GTF2E1: variants seen among roughly 807,000 people sequenced by gnomAD.
The protein encoded by GTF2E1 is TFIIE alpha subunit.
A neutral mutation model predicts 34.9 loss-of-function variants in GTF2E1; 14 were observed. The observed-to-expected ratio is 0.40, with a 90% confidence interval of 0.27 to 0.63. The LOEUF is 0.63. Ranked by LOEUF, GTF2E1 falls within the 20% of genes least tolerant of loss-of-function variation. The pLI, the probability that GTF2E1 is intolerant of heterozygous loss-of-function variation, is 0.39. For missense variants in GTF2E1, 469 were observed against 557.7 expected, an observed-to-expected ratio of 0.84 and a Z score of 1.60; for synonymous variants, 188 against 192.9, an observed-to-expected ratio of 0.97 and a Z score of 0.21.
chr3:120,771,840 G>T (rs753429707), intron 3 of GTF2E1, among the ~76,000 whole-genome samples: 2 of 152,188 alleles, frequency 1.3e-5, no homozygotes, highest in Non-Finnish European at 2.9e-5. Context: ...TGTCAGTTAG[G>T]ATGCCTTTGC....
rs555692036 is a variant in GTF2E1, at chr3:120,768,426, G to C, written c.449-2302G>C. ...TTTGAAAACAGATAATGAGAGGGTT[G>C]GAGTATTAACCTTTGTCTTAGCTGT... is the stretch of plus-strand genomic sequence containing the variant. On this transcript the variant is annotated intron_variant, in intron 2 of 4. Coordinates refer to ENST00000283875, the MANE Select transcript of GTF2E1 (RefSeq NM_005513.3). Among the ~76,000 whole-genome samples the C allele has an allele frequency of 2.6e-3, 395 of 152,182 alleles. 2 individuals carry two copies. The highest frequency in any genetic ancestry group is 4.5e-3 in the Non-Finnish European group (307 of 67,984).
intron 1 of GTF2E1, among the ~76,000 whole-genome samples, chr3:120,744,693 T>C (rs927299235): frequency 2.0e-5 from 3 of 152,180 alleles, no homozygotes; most frequent in African/African-American, 7.2e-5. Flanking sequence ...TTCTTGCAAT[T>C]TTTTTGCCTT....
At chr3:120,765,137 T>C (rs1010365140) in intron 2 of GTF2E1, among the ~76,000 whole-genome samples, 16 of 149,252 alleles carry the variant, frequency 1.1e-4, no homozygotes, top group Non-Finnish European at 2.2e-4. Flanking sequence ...CTTCTGCCAC[T>C]GTCCCCCTCA....
intron 2 of GTF2E1, among the ~76,000 whole-genome samples, chr3:120,769,301 AGCTATCAGGTAC>A (rs1356093804): frequency 2.0e-5 from 3 of 152,174 alleles, no homozygotes; most frequent in African/African-American, 7.2e-5. Context: ...ATTAGTCAAA[AGCTATCAGGTAC>A]GCACCTGTAG....
chr3:120,768,985 G>GGAA (rs1455802639), intron 2 of GTF2E1, among the ~76,000 whole-genome samples: 1 of 152,088 alleles, frequency 6.6e-6, no homozygotes, highest in African/African-American at 2.4e-5. Context: ...CATTCCTTGA[G>GGAA]TTTATGCCTT....
intron 2 of GTF2E1, among the ~76,000 whole-genome samples, chr3:120,759,063 C>T (rs77726531): frequency 0.072 from 10,986 of 152,252 alleles, 1,324 homozygotes; most frequent in East Asian, 0.46. Context: ...TATTTCTCCA[C>T]ATCCTCTCCA....
intron 2 of GTF2E1, among the ~76,000 whole-genome samples, chr3:120,761,743 T>G (rs1188937313): frequency 6.6e-6 from 1 of 152,158 alleles, no homozygotes; most frequent in African/African-American, 2.4e-5. Context: ...AGTGAGTTTC[T>G]TAATCCTGAG....
At chr3:120,763,444 C>T (rs992310905) in intron 2 of GTF2E1, among the ~76,000 whole-genome samples, 1 of 152,046 alleles carries the variant, frequency 6.6e-6, no homozygotes, top group Admixed American at 6.6e-5. Flanking sequence ...GAGGGGAAAA[C>T]GGTGTCTAAA....
At chr3:120,762,232 G>T (rs1313105806) in intron 2 of GTF2E1, among the ~76,000 whole-genome samples, 1 of 152,128 alleles carries the variant, frequency 6.6e-6, no homozygotes, top group Non-Finnish European at 1.5e-5. Flanking sequence ...TGTTAGGTCC[G>T]CTTGGTCTAG....
chr3:120,772,313 T>TA (rs140410014), intron 3 of GTF2E1, among the ~76,000 whole-genome samples: 3,244 of 152,306 alleles, frequency 0.021, 55 homozygotes, highest in Middle Eastern at 0.054. Context: ...GTACTTAGAC[T>TA]AGTTAAGGTT....
At chr3:120,760,373 A>G (rs1244667131) in intron 2 of GTF2E1, among the ~76,000 whole-genome samples, 1 of 152,200 alleles carries the variant, frequency 6.6e-6, no homozygotes, top group Non-Finnish European at 1.5e-5. Context: ...GTCATCTACA[A>G]ACAGAGACAA....
chr3:120,762,130 C>T (rs1218971594), intron 2 of GTF2E1, among the ~76,000 whole-genome samples: 2 of 152,084 alleles, frequency 1.3e-5, no homozygotes, highest in East Asian at 3.9e-4. Flanking sequence ...TATTTTACTA[C>T]CAATTATGTG....
chr3:120,780,294 T>C (rs559613197), intron 4 of GTF2E1, among the ~76,000 whole-genome samples: 1 of 152,270 alleles, frequency 6.6e-6, no homozygotes, highest in South Asian at 2.1e-4. Flanking sequence ...TGTTAGGAAA[T>C]AAGTGCTATG....
At chr3:120,756,785 GC>G (rs1490124431) in intron 2 of GTF2E1, among the ~76,000 whole-genome samples, 1 of 152,008 alleles carries the variant, frequency 6.6e-6, no homozygotes, top group African/African-American at 2.4e-5. Flanking sequence ...AATTAGCTGG[GC>G]GTGGTGGAGT....
intron 3 of GTF2E1, among the ~76,000 whole-genome samples, chr3:120,773,612 C>T (rs1293485252): frequency 6.6e-6 from 1 of 152,046 alleles, no homozygotes; most frequent in South Asian, 2.1e-4. Flanking sequence ...TTGCTAGTAA[C>T]CTTCCCTTTT....
chr3:120,744,092 TTCCATGTG>T (rs533055861), intron 1 of GTF2E1, among the ~76,000 whole-genome samples: 153 of 152,314 alleles, frequency 1.0e-3, no homozygotes, highest in Middle Eastern at 3.4e-3. Flanking sequence ...AGCTTATTGT[TTCCATGTG>T]GGAACATGGG....
chr3:120,766,995 G>C (rs1709315177), intron 2 of GTF2E1, among the ~76,000 whole-genome samples: 1 of 152,086 alleles, frequency 6.6e-6, no homozygotes. Context: ...TCTGTAAAAT[G>C]TCAAATTTCT....
Position 120,776,507 on chromosome 3 carries a change from C to T in GTF2E1, c.735C>T (p.Ser245=), listed in dbSNP as rs765054315. Residue 245 remains serine (S), a synonymous_variant, in exon 4 of 5, where the codon TCC becomes TCT. Transcript: ENST00000283875. ...AAGCATGGGCCACCAAAGGTCCTTC[C>T]TATGAAGACTTATACACTCAGAATG... ...HREAWATKGP[S]YEDLYTQNVV... is the part of the protein sequence containing the mutation. The T allele has an allele frequency of 1.2e-6, 2 of 1,613,956 alleles. No homozygotes were observed. Among genetic ancestry groups the T allele is most frequent in the South Asian group, 1.1e-5 (1 of 91,068 alleles).
chr3:120,762,166 G>A (rs1373208444), intron 2 of GTF2E1, among the ~76,000 whole-genome samples: 1 of 152,134 alleles, frequency 6.6e-6, no homozygotes, highest in Non-Finnish European at 1.5e-5. Flanking sequence ...ATTGTGATGT[G>A]GTTCTGAGAA....
Sources: allele counts gnomAD v4.1 joint callset (sites outside exome capture counted in the v4.1 genomes callset), GRCh38; gene constraint gnomAD v4.1.1; transcripts MANE v1.5; gene names NCBI Gene and HGNC (gene_info 2026-07-23, HGNC 2026-07-21).